ADGRL3: variants seen among roughly 807,000 people sequenced by gnomAD.
ADGRL3 encodes adhesion G protein-coupled receptor L3.
ADGRL3 carries 62 observed loss-of-function variants against 153.5 expected under a neutral mutation model. That is an observed-to-expected ratio of 0.40 (90% CI 0.33 to 0.50). ADGRL3 has a LOEUF of 0.50. Ranked by LOEUF, ADGRL3 falls within the 20% of genes least tolerant of loss-of-function variation. The pLI, the probability that ADGRL3 is intolerant of heterozygous loss-of-function variation, is 0.47. For missense variants in ADGRL3, 1,641 were observed against 1,859.4 expected (o/e 0.88, Z 2.16); for synonymous variants, 710 against 672.5 (o/e 1.06, Z -0.86).
At chr4:61,233,385 ACTC>A (rs1751559128) in intron 1 of ADGRL3, among the ~76,000 whole-genome samples, 2 of 151,766 alleles carry the variant, frequency 1.3e-5, no homozygotes, top group Admixed American at 1.3e-4. Flanking sequence ...CCATTATACT[ACTC>A]TTTTTTCTCT....
intron 4 of ADGRL3, among the ~76,000 whole-genome samples, chr4:61,521,205 C>T (rs149127904): frequency 2.2e-4 from 33 of 152,192 alleles, no homozygotes; most frequent in Non-Finnish European, 4.6e-4. Flanking sequence ...GATAAAGTGG[C>T]CTCTAAGCTG....
chr4:62,005,592 C>G (rs2099154631), intron 21 of ADGRL3, among the ~76,000 whole-genome samples: 1 of 151,990 alleles, frequency 6.6e-6, no homozygotes, highest in Non-Finnish European at 1.5e-5. Flanking sequence ...GTTCTCTGTT[C>G]TTTTTATAGA....
intron 1 of ADGRL3, among the ~76,000 whole-genome samples, chr4:61,289,428 C>T (rs776972584): frequency 6.6e-6 from 1 of 151,900 alleles, no homozygotes; most frequent in Non-Finnish European, 1.5e-5. Context: ...TTTCACTGGT[C>T]ACTTCCAACA....
At chr4:61,333,919 ATT>A (rs67240071) in intron 1 of ADGRL3, among the ~76,000 whole-genome samples, 1,967 of 138,800 alleles carry the variant, frequency 0.014, 33 homozygotes, top group African/African-American at 0.043. Flanking sequence ...CCCTGCCTGT[ATT>A]TTTTTTTTTT....
intron 6 of ADGRL3, among the ~76,000 whole-genome samples, chr4:61,724,238 A>G (rs1173721081): frequency 1.3e-5 from 2 of 152,194 alleles, no homozygotes; most frequent in African/African-American, 2.4e-5. Flanking sequence ...ATCAACTTTA[A>G]GTATTACCAA....
intron 6 of ADGRL3, among the ~76,000 whole-genome samples, chr4:61,679,856 A>G (rs1243743035): frequency 6.6e-6 from 1 of 152,074 alleles, no homozygotes; most frequent in Non-Finnish European, 1.5e-5. Flanking sequence ...ATTTAATCTT[A>G]TATAATAGTT....
intron 2 of ADGRL3, among the ~76,000 whole-genome samples, chr4:61,484,513 G>A (rs369139694): frequency 7.5e-4 from 114 of 152,228 alleles, no homozygotes; most frequent in Admixed American, 4.2e-3. Context: ...CAGCTTGGTT[G>A]TTTCTGATGG....
At chr4:61,829,207 A>G (rs537657123) in intron 9 of ADGRL3, among the ~76,000 whole-genome samples, 15 of 152,334 alleles carry the variant, frequency 9.8e-5, no homozygotes, top group African/African-American at 3.4e-4. Context: ...TAACTTCATT[A>G]TGTCAGATAT....
intron 4 of ADGRL3, among the ~76,000 whole-genome samples, chr4:61,582,310 T>C (rs1008531546): frequency 6.6e-6 from 1 of 152,038 alleles, no homozygotes; most frequent in African/African-American, 2.4e-5. Flanking sequence ...CCGTGCATGC[T>C]TTAGCTATTT....
chr4:61,339,308 A>T (rs901331093), intron 1 of ADGRL3, among the ~76,000 whole-genome samples: 14 of 152,202 alleles, frequency 9.2e-5, no homozygotes, highest in African/African-American at 2.4e-5. Context: ...AGGGGTGTAA[A>T]ACGAGCACAT....
At chr4:61,383,228 A>G (rs2096692677) in intron 2 of ADGRL3, 39 bp downstream of exon 2, 1 of 151,792 alleles carries the variant, frequency 6.6e-6, no homozygotes, top group Non-Finnish European at 1.5e-5. Flanking sequence ...TATAATTTCA[A>G]AATTTATTTA....
intron 8 of ADGRL3, among the ~76,000 whole-genome samples, chr4:61,773,791 TGAG>T (rs2097113141): frequency 2.0e-5 from 3 of 152,146 alleles, no homozygotes; most frequent in Admixed American, 2.0e-4. Context: ...AGAACTCTGA[TGAG>T]TAACTCAACG....
intron 8 of ADGRL3, among the ~76,000 whole-genome samples, chr4:61,754,484 AG>A (rs1217008410): frequency 1.3e-5 from 2 of 152,170 alleles, no homozygotes; most frequent in Admixed American, 6.5e-5. Flanking sequence ...CAATCAAAAA[AG>A]TAATTTAAAA....
chr4:61,897,661 T>C (rs1702946596), intron 11 of ADGRL3, among the ~76,000 whole-genome samples: 1 of 152,216 alleles, frequency 6.6e-6, no homozygotes, highest in Non-Finnish European at 1.5e-5. Flanking sequence ...AATATTAGTA[T>C]TGAAAACTTC....
rs554797876 is a variant in ADGRL3 at position 61,463,547 on chromosome 4, A to G, written c.-173-33574A>G. Among the ~76,000 whole-genome samples, 16 of 152,274 alleles carry G rather than the reference A, an allele frequency of 1.1e-4. No homozygotes were observed. The South Asian group carries it at 2.1e-3, about 20-fold the overall frequency. ...ATCAGTCCCTCCCCCAACACTGAGAATTACAACTGGACATGAGATTTGGGT... is the reference window on the plus strand; with the variant it reads ...ATCAGTCCCTCCCCCAACACTGAGAGTTACAACTGGACATGAGATTTGGGT... On this transcript the variant is annotated intron_variant, in intron 2 of 26. Transcript: ENST00000683033.
At chr4:61,220,797 T>A (rs1028096254) in intron 1 of ADGRL3, among the ~76,000 whole-genome samples, 2 of 152,208 alleles carry the variant, frequency 1.3e-5, no homozygotes. Context: ...AAGGAATGAT[T>A]ATCTAGCAAT....
At chr4:61,355,035 C>A (rs2096136040) in intron 1 of ADGRL3, among the ~76,000 whole-genome samples, 1 of 152,048 alleles carries the variant, frequency 6.6e-6, no homozygotes, top group Non-Finnish European at 1.5e-5. Flanking sequence ...AGTAGCAATA[C>A]AAAGACCAGG....
intron 5 of ADGRL3, among the ~76,000 whole-genome samples, chr4:61,630,364 A>G (rs1289877357): frequency 6.6e-6 from 1 of 152,196 alleles, no homozygotes; most frequent in East Asian, 1.9e-4. Context: ...ACTGCAAGTA[A>G]TAGGAACTCA....
chr4:61,933,484 TGA>T (rs1189332368), intron 13 of ADGRL3, among the ~76,000 whole-genome samples: 2 of 152,122 alleles, frequency 1.3e-5, no homozygotes, highest in Non-Finnish European at 2.9e-5. Flanking sequence ...TTTAAACTCG[TGA>T]GAGACTTTTT....
Sources: allele counts gnomAD v4.1 joint callset (sites outside exome capture counted in the v4.1 genomes callset), GRCh38; gene constraint gnomAD v4.1.1; transcripts MANE v1.5; gene names NCBI Gene and HGNC (gene_info 2026-07-23, HGNC 2026-07-21).